MAP2: variants seen among roughly 807,000 people sequenced by gnomAD.
MAP2 encodes the protein microtubule associated protein 2, also known as microtubule-associated protein 2.
Under a neutral mutation model 137.6 loss-of-function variants are expected in MAP2, and 14 were observed. The observed-to-expected ratio is 0.10, with a 90% CI of 0.07 to 0.16. MAP2 has a LOEUF of 0.16. Among genes scored for constraint, MAP2 ranks in the 10% least tolerant of loss-of-function variants. The pLI is 1.00. For synonymous variants in MAP2, 786 were observed against 782.3 expected, an observed-to-expected ratio of 1.00 and a Z score of -0.08; for missense variants, 2,088 against 2,191.5, an observed-to-expected ratio of 0.95 and a Z score of 0.94.
intron 1 of MAP2, among the ~76,000 whole-genome samples, chr2:209,494,121 A>G (rs1014525002): frequency 4.6e-5 from 7 of 152,154 alleles, no homozygotes; most frequent in African/African-American, 1.7e-4. Context: ...GAACGAGTTC[A>G]TGTCCTTTGC....
chr2:209,678,663 C>A lies in MAP2; in HGVS notation c.354C>A (p.Asp118Glu). 5.6e-6 allele frequency: 9 copies of A among 1,602,374 alleles called. No homozygotes were observed. Among genetic ancestry groups the A allele is most frequent in the Non-Finnish European group, 7.7e-6 (9 of 1,173,670 alleles). The change falls in exon 6 of 16, where the codon GAC (aspartate) becomes GAA (glutamate). Residue 118 changes from aspartate (D) to glutamate (E), a missense_variant. By Grantham distance (45) the Asp-to-Glu change is conservative (BLOSUM62 2). Around this residue, in one of 6 missense-constraint regions of MAP2, gnomAD observed 859 missense variants for 794.5 expected, o/e 1.08. Coordinates refer to ENST00000682079, the MANE Select transcript of MAP2 (RefSeq NM_001375505.1). ...GEQEKEAQHK[D>E]QTAALPLAAE... Reference sequence around the variant, plus strand: ...AAGAGAAAGAAGCTCAACATAAAGACCAGACTGCAGCTCTGCCTTTAGGTA... The same window carrying A: ...AAGAGAAAGAAGCTCAACATAAAGAACAGACTGCAGCTCTGCCTTTAGGTA...
intron 4 of MAP2, among the ~76,000 whole-genome samples, chr2:209,649,269 G>A (rs1253998791): frequency 6.6e-6 from 1 of 151,924 alleles, no homozygotes; most frequent in Non-Finnish European, 1.5e-5. Flanking sequence ...CTCCCACCTC[G>A]ACCTCCCAAA....
Position 209,690,498 on chromosome 2 carries a change from T to G in MAP2, c.455-2127T>G, listed in dbSNP as rs983907951. On this transcript the variant is annotated intron_variant, in intron 7 of 15. Transcript: ENST00000682079. ...TAAAATAAAAAAACAGCTGAGGTCT[T>G]CATGAGGTCATTCTAATGGAGCTGA... is the stretch of plus-strand genomic sequence containing the variant. 1.3e-5 allele frequency: 11 copies of G among 872,196 alleles called. No individual in the cohort carries two copies. The African/African-American group carries it at 2.0e-4, about 16-fold the overall frequency. 54.0% of individuals were successfully genotyped at this position (872,196 alleles called of 1,614,324 possible). A position where few individuals can be genotyped will look rare whatever the true frequency, so the allele number is the denominator to read the frequency against.
At chr2:209,463,245 T>C (rs1054510178) in intron 1 of MAP2, among the ~76,000 whole-genome samples, 3 of 152,220 alleles carry the variant, frequency 2.0e-5, no homozygotes, top group Non-Finnish European at 4.4e-5. Flanking sequence ...ATATTTATTC[T>C]TAATAATATG....
At chr2:209,523,934 C>T (rs2063643605) in intron 2 of MAP2, among the ~76,000 whole-genome samples, 1 of 152,112 alleles carries the variant, frequency 6.6e-6, no homozygotes, top group African/African-American at 2.4e-5. Context: ...CTTCTTAAGG[C>T]TTGTCTCATT....
chr2:209,658,066 G>A (rs185958513), intron 5 of MAP2, among the ~76,000 whole-genome samples: 1 of 152,148 alleles, frequency 6.6e-6, no homozygotes, highest in Non-Finnish European at 1.5e-5. Flanking sequence ...GAAGATAACT[G>A]GGAGCCTCAT....
At chr2:209,435,954 T>C (rs1352379877) in intron 1 of MAP2, among the ~76,000 whole-genome samples, 1 of 142,690 alleles carries the variant, frequency 7.0e-6, no homozygotes, top group Admixed American at 7.4e-5. Flanking sequence ...ATACTATATA[T>C]ACAGTATATA....
chr2:209,573,624 G>T (rs947206754), intron 2 of MAP2, among the ~76,000 whole-genome samples: 5 of 152,028 alleles, frequency 3.3e-5, no homozygotes, highest in African/African-American at 1.2e-4. Flanking sequence ...CTGAGTTATT[G>T]AGATATAATT....
At chr2:209,676,866 G>C (rs2052016751) in intron 5 of MAP2, among the ~76,000 whole-genome samples, 1 of 149,002 alleles carries the variant, frequency 6.7e-6, no homozygotes, top group Admixed American at 6.7e-5. Flanking sequence ...TCACTCTACT[G>C]ATTTTTAAAT....
chr2:209,701,155 G>A (rs11682692), intron 11 of MAP2, among the ~76,000 whole-genome samples: 18,075 of 151,886 alleles, frequency 0.12, 1,391 homozygotes, highest in East Asian at 0.23. Context: ...TTGTCAAATT[G>A]CCCTCTGGAA....
chr2:209,478,511 C>T (rs571510709), intron 1 of MAP2, among the ~76,000 whole-genome samples: 4 of 152,196 alleles, frequency 2.6e-5, no homozygotes, highest in Admixed American at 1.3e-4. Context: ...TTTACAAAAC[C>T]TCACTATAGA....
chr2:209,678,870 T>C (rs148871196), intron 6 of MAP2, among the ~76,000 whole-genome samples, 185 bp downstream of exon 6: 10 of 152,228 alleles, frequency 6.6e-5, no homozygotes, highest in Non-Finnish European at 1.5e-4. Flanking sequence ...TGTTGTAGTG[T>C]TTGCATAGTC....
At chr2:209,706,279 A>T (rs1337973636) in intron 12 of MAP2, among the ~76,000 whole-genome samples, 1 of 152,104 alleles carries the variant, frequency 6.6e-6, no homozygotes, top group African/African-American at 2.4e-5. Context: ...AGTTTATATA[A>T]TGCTCCAATC....
At chr2:209,512,419 TAA>T (rs1559258659) in intron 2 of MAP2, among the ~76,000 whole-genome samples, 1 of 150,680 alleles carries the variant, frequency 6.6e-6, no homozygotes, top group Non-Finnish European at 1.5e-5. Flanking sequence ...AATTCTCTAT[TAA>T]AGTCTTTTTT....
intron 3 of MAP2, among the ~76,000 whole-genome samples, chr2:209,617,036 G>A (rs1190252579): frequency 6.6e-6 from 1 of 152,082 alleles, no homozygotes; most frequent in East Asian, 1.9e-4. Context: ...TTTCTTTATG[G>A]CAAATTCTTA....
intron 3 of MAP2, among the ~76,000 whole-genome samples, chr2:209,606,323 G>A (rs1559396756): frequency 6.6e-6 from 1 of 152,136 alleles, no homozygotes; most frequent in Non-Finnish European, 1.5e-5. Flanking sequence ...TAATTTTTAG[G>A]CACTGTAAAG....
At chr2:209,587,498 G>A (rs2078068432) in intron 3 of MAP2, among the ~76,000 whole-genome samples, 1 of 152,102 alleles carries the variant, frequency 6.6e-6, no homozygotes, top group Admixed American at 6.6e-5. Flanking sequence ...CAATCAGAGT[G>A]TTCAGAGGAG....
intron 1 of MAP2, among the ~76,000 whole-genome samples, chr2:209,483,138 A>AT (rs1279657642): frequency 6.6e-6 from 1 of 152,200 alleles, no homozygotes; most frequent in Non-Finnish European, 1.5e-5. Flanking sequence ...GCATTTAGAA[A>AT]TATTTTCTTA....
chr2:209,609,168 A>G (rs2085897310), intron 3 of MAP2, among the ~76,000 whole-genome samples: 1 of 152,020 alleles, frequency 6.6e-6, no homozygotes, highest in Non-Finnish European at 1.5e-5. Flanking sequence ...ATAGTAACAA[A>G]TGTATATTCA....
Sources: allele counts gnomAD v4.1 joint callset (sites outside exome capture counted in the v4.1 genomes callset), GRCh38; gene constraint gnomAD v4.1.1; regional missense constraint gnomAD v4.1.1; transcripts MANE v1.5; gene names NCBI Gene and HGNC (gene_info 2026-07-23, HGNC 2026-07-21).